NOL10: variants seen among roughly 807,000 people sequenced by gnomAD.
NOL10 encodes nucleolar protein 10.
A neutral mutation model predicts 103.5 loss-of-function variants in NOL10; 58 were observed. The ratio of observed to expected loss-of-function variants is 0.56; its 90% CI spans 0.45 to 0.70. The LOEUF is 0.70. Among genes scored for constraint, NOL10 ranks in the 30% least tolerant of loss-of-function variants. NOL10 has a pLI of 0.00. For missense variants in NOL10, 763 were observed against 807.3 expected, an observed-to-expected ratio of 0.95 and a Z score of 0.67; for synonymous variants, 287 against 282.5, an observed-to-expected ratio of 1.02 and a Z score of -0.16.
intron 13 of NOL10, among the ~76,000 whole-genome samples, chr2:10,624,151 CT>C (rs1558298438): frequency 6.6e-6 from 1 of 150,828 alleles, no homozygotes. Context: ...AAGGTAATTT[CT>C]TTCTCCAGAA....
Position 10,659,401 on chromosome 2 carries a change from G to T in NOL10, c.678-151C>A, listed in dbSNP as rs1384217084. Among the ~76,000 whole-genome samples, 38 of 150,978 alleles carry T rather than the reference G, an allele frequency of 2.5e-4. No homozygotes were observed. In the Admixed American group the frequency reaches 2.5e-3, roughly 10 times the overall value. ...CTGTTTAAAAGGTAACTGCAGCCTG[G>T]TAAGATGACTCGCACCTGTAATACC... On this transcript the variant is annotated intron_variant, in intron 9 of 20. Transcript: ENST00000381685.
intron 6 of NOL10, among the ~76,000 whole-genome samples, chr2:10,669,446 T>C (rs1680768190): frequency 6.9e-6 from 1 of 144,146 alleles, no homozygotes; most frequent in Admixed American, 7.2e-5. Flanking sequence ...TATTTGTATA[T>C]ATATATATAT....
chr2:10,577,450 C>G (rs2148140782), intron 20 of NOL10, among the ~76,000 whole-genome samples, 186 bp downstream of exon 20: 1 of 152,342 alleles, frequency 6.6e-6, no homozygotes, highest in South Asian at 2.1e-4. Flanking sequence ...GGCTCTGCTG[C>G]AGTCACACAC....
chr2:10,602,986 A>G, intron 15 of NOL10, 92 bp downstream of exon 15: 3 of 1,241,812 alleles, frequency 2.4e-6, no homozygotes, highest in Admixed American at 4.0e-5. Flanking sequence ...TACAAATCCT[A>G]TGTATGATTT....
rs1035177496 is a variant in NOL10 at position 10,607,182 on chromosome 2, T to TA, written c.1153+2dup. ...TAATATTTCATCACAATTTTTTTTT[T>TA]ACCTAAATTTTCAAGGTCTTTCTTG... On this transcript the variant is annotated splice_region_variant and intron_variant, in intron 14 of 20. Coordinates refer to ENST00000381685, the MANE Select transcript of NOL10 (RefSeq NM_024894.4). 1.3e-6 allele frequency: 2 copies of TA among 1,540,480 alleles called. No individual in the cohort carries two copies. Among genetic ancestry groups the TA allele is most frequent in the African/African-American group, 1.4e-5 (1 of 71,844 alleles).
At chr2:10,680,299 A>AGAAGAG (rs1558354067) in intron 3 of NOL10, among the ~76,000 whole-genome samples, 25 of 105,066 alleles carry the variant, frequency 2.4e-4, no homozygotes, top group African/African-American at 7.8e-4. Context: ...AAGGAGAAGA[A>AGAAGAG]GGAGAAGAGG....
intron 16 of NOL10, among the ~76,000 whole-genome samples, chr2:10,601,420 G>T (rs756950244): frequency 2.6e-5 from 4 of 152,148 alleles, no homozygotes; most frequent in Non-Finnish European, 4.4e-5. Context: ...GTAGACAGGT[G>T]ATGATACCAG....
At chr2:10,604,583 T>G (rs1676147965) in intron 14 of NOL10, 1 of 152,192 alleles carries the variant, frequency 6.6e-6, no homozygotes, top group Non-Finnish European at 1.5e-5. Context: ...ACGTGTATAT[T>G]CTCTAAATCT....
chr2:10,663,781 C>G (rs1162011726), intron 8 of NOL10, among the ~76,000 whole-genome samples: 1 of 151,834 alleles, frequency 6.6e-6, no homozygotes, highest in Non-Finnish European at 1.5e-5. Flanking sequence ...AACCCAGTCT[C>G]TACTAAAAAA....
At chr2:10,672,265 T>C (rs1558344667) in intron 5 of NOL10, among the ~76,000 whole-genome samples, 1 of 152,080 alleles carries the variant, frequency 6.6e-6, no homozygotes, top group Non-Finnish European at 1.5e-5. Context: ...AGCCGGAGGA[T>C]GCAGTGAGCC....
At chr2:10,576,831 T>C (rs575604303) in intron 20 of NOL10, among the ~76,000 whole-genome samples, 4 of 152,290 alleles carry the variant, frequency 2.6e-5, no homozygotes, top group Admixed American at 6.5e-5. Flanking sequence ...AACCACTGAA[T>C]TGTACACTTT....
At chr2:10,681,823 T>C (rs116742793) in intron 3 of NOL10, 148 bp downstream of exon 3, 5,821 of 383,558 alleles carry the variant, frequency 0.015, 325 homozygotes, top group African/African-American at 0.11. Context: ...AGTAGTTAAA[T>C]GGGTGTTTAC....
intron 4 of NOL10, among the ~76,000 whole-genome samples, chr2:10,675,410 T>C (rs1001231619): frequency 1.1e-4 from 17 of 151,840 alleles, no homozygotes; most frequent in African/African-American, 4.1e-4. Context: ...ACAACCTGAG[T>C]GTATTTGGAA....
At chr2:10,632,443 A>G (rs1677911686) in intron 13 of NOL10, among the ~76,000 whole-genome samples, 1 of 152,234 alleles carries the variant, frequency 6.6e-6, no homozygotes, top group Admixed American at 6.5e-5. Flanking sequence ...ACAAAAACAG[A>G]CAGCTGGTGT....
chr2:10,591,539 A>G (rs568596673), intron 17 of NOL10, among the ~76,000 whole-genome samples: 1 of 152,276 alleles, frequency 6.6e-6, no homozygotes, highest in South Asian at 2.1e-4. Flanking sequence ...ACTGTAAAGG[A>G]TTTTAAATAC....
At chr2:10,613,197 C>T (rs12995159) in intron 13 of NOL10, among the ~76,000 whole-genome samples, 89,967 of 151,970 alleles carry the variant, frequency 0.59, 27,642 homozygotes, top group African/African-American at 0.74. Context: ...GTTCCAAGTA[C>T]AGTATACCCT....
Position 10,659,238 on chromosome 2 carries a change from T to C in NOL10, c.690A>G (p.Leu230=). The change falls in exon 10 of 21, where the codon TTA becomes TTG. Residue 230 remains leucine, a synonymous_variant. Coordinates refer to ENST00000381685, the MANE Select transcript of NOL10 (RefSeq NM_024894.4). ...TAAATTTCAAAGCAGAGATTGTTGGTAAACTGTTTATCCTGAAAAGCAAAA... is the reference window on the plus strand; with the variant it reads ...TAAATTTCAAAGCAGAGATTGTTGGCAAACTGTTTATCCTGAAAAGCAAAA... ...SVTADSEINS[L]PTISALKFNG... 1 of 1,592,992 alleles carries C rather than the reference T, an allele frequency of 6.3e-7. No homozygotes were observed. Among genetic ancestry groups the C allele is most frequent in the Non-Finnish European group, 8.6e-7 (1 of 1,168,838 alleles).
At chr2:10,684,994 C>G (rs55837292) in intron 1 of NOL10, among the ~76,000 whole-genome samples, 1,806 of 152,222 alleles carry the variant, frequency 0.012, 21 homozygotes, top group Middle Eastern at 0.048. Flanking sequence ...GCCACCAGGC[C>G]CGGCCAGATA....
At chr2:10,673,285 T>C (rs1453789655) in intron 5 of NOL10, 2 of 354,552 alleles carry the variant, frequency 5.6e-6, no homozygotes, top group African/African-American at 2.1e-5. Flanking sequence ...TCATATACGA[T>C]ATGAAAAATT....
Sources: gnomAD v4.1 joint callset for allele counts (sites outside exome capture counted in the v4.1 genomes callset) on GRCh38, gnomAD v4.1.1 for gene constraint, MANE v1.5 for transcripts, NCBI Gene and HGNC (gene_info 2026-07-23, HGNC 2026-07-21) for gene names.